Variants in DOCK11 observed in about 807,000 individuals in gnomAD.
DOCK11 encodes the protein dedicator of cytokinesis protein 11.
A neutral mutation model predicts 169.1 loss-of-function variants in DOCK11; 70 were observed. The observed-to-expected ratio is 0.41, with a 90% CI of 0.34 to 0.51. The LOEUF (loss-of-function observed/expected upper bound fraction) is 0.51, where lower values mean the gene tolerates loss of function less well. Ranked by LOEUF, DOCK11 falls within the 20% of genes least tolerant of loss-of-function variation. DOCK11 has a pLI of 0.10. For missense variants in DOCK11, 1,166 were observed against 1,538.8 expected (o/e 0.76, Z 4.05); for synonymous variants, 529 against 541.3 (o/e 0.98, Z 0.32).
chrX:118,558,431 A>T (rs2147370389), intron 6 of DOCK11, among the ~76,000 whole-genome samples: 1 of 112,071 alleles, frequency 8.9e-6, no homozygotes, highest in Admixed American at 9.5e-5. Context: ...AATTACCATT[A>T]TTCTGTATAG....
chrX:118,679,918 A>ATTTTTT lies in DOCK11; in HGVS notation c.5461-544_5461-539dup, dbSNP rs55756738. Among the ~76,000 whole-genome samples the ATTTTTT allele has an allele frequency of 1.5e-3, 82 of 55,428 alleles. 3 individuals are homozygous for ATTTTTT. The highest frequency in any genetic ancestry group is 7.0e-3 in the African/African-American group (81 of 11,615). 48.1% of individuals were successfully genotyped at this position (55,428 alleles called of 115,157 possible). A position where few individuals can be genotyped will look rare whatever the true frequency, so the allele number is the denominator to read the frequency against. ...ATTGCTGGGTAGTAGGATTACAGTA[A>ATTTTTT]TTTTTTTTTTTTTTTTTTTTTTTTT... On this transcript the variant is annotated intron_variant, in intron 48 of 52. Coordinates refer to ENST00000276202, the MANE Select transcript of DOCK11 (RefSeq NM_144658.4).
chrX:118,534,589 A>G (rs938142450), intron 1 of DOCK11, among the ~76,000 whole-genome samples: 2 of 112,369 alleles, frequency 1.8e-5, no homozygotes, highest in African/African-American at 6.5e-5. Context: ...TCGAAATCAT[A>G]TTGTGCTGAT....
chrX:118,668,237 G>T (rs2016383857), intron 45 of DOCK11, among the ~76,000 whole-genome samples: 2 of 111,780 alleles, frequency 1.8e-5, no homozygotes, highest in African/African-American at 6.5e-5. Flanking sequence ...TTTAGTAAAT[G>T]CCCCTTATCA....
intron 22 of DOCK11, 142 bp downstream of exon 22, chrX:118,598,258 T>A: frequency 2.5e-6 from 1 of 403,482 alleles, no homozygotes; most frequent in East Asian, 4.1e-5. Context: ...CCAGGTGCAG[T>A]GGCTCATGCC....
chrX:118,632,178 C>T (rs1468598039), intron 35 of DOCK11, among the ~76,000 whole-genome samples: 4 of 111,582 alleles, frequency 3.6e-5, no homozygotes, highest in African/African-American at 1.3e-4. Context: ...TGGTCTCGAT[C>T]TCCTGACCTC....
intron 22 of DOCK11, 68 bp from the exon 23 acceptor site, chrX:118,599,071 G>A (rs1225746675): frequency 2.4e-6 from 2 of 850,778 alleles, no homozygotes; most frequent in Non-Finnish European, 3.5e-6. Flanking sequence ...GGAGGAGGGA[G>A]AGGTAGAGAG....
At chrX:118,518,705 A>C (rs975246987) in intron 1 of DOCK11, among the ~76,000 whole-genome samples, 2 of 112,179 alleles carry the variant, frequency 1.8e-5, no homozygotes, top group Admixed American at 1.9e-4. Context: ...ATGCCATTAT[A>C]TATTTGTCAA....
intron 7 of DOCK11, 89 bp from the exon 8 acceptor site, chrX:118,565,916 A>G (rs1468711893): frequency 2.1e-6 from 2 of 940,464 alleles, no homozygotes; most frequent in African/African-American, 4.0e-5. Flanking sequence ...ATATGCACTA[A>G]GCTGAGATAA....
At chrX:118,675,209 T>A (rs979811616) in intron 46 of DOCK11, among the ~76,000 whole-genome samples, 4 of 112,159 alleles carry the variant, frequency 3.6e-5, no homozygotes, top group African/African-American at 1.3e-4. Flanking sequence ...GAAATATCTG[T>A]GAACTTGCAT....
chrX:118,663,829 T>C (rs1408313763), intron 45 of DOCK11, among the ~76,000 whole-genome samples: 1 of 108,825 alleles, frequency 9.2e-6, no homozygotes, highest in African/African-American at 3.4e-5. Context: ...CGTGCACCAC[T>C]ATGCCCAGCT....
In DOCK11 at chrX:118,616,453, A is replaced by C. The variant is rs775967567; in HGVS notation, c.3292+742A>C. On this transcript the variant is annotated intron_variant, in intron 30 of 52. Transcript: ENST00000276202. ...TGTTGCTAGAGAAATCAACTTTAAA[A>C]CATTTTCCCTCAAAACACAAGTTCC... is the stretch of plus-strand genomic sequence containing the variant. Among the ~76,000 whole-genome samples, 4 of 111,620 alleles carry C rather than the reference A, an allele frequency of 3.6e-5. No homozygotes were observed. The East Asian group carries it at 1.1e-3, about 31-fold the overall frequency.
chrX:118,685,036 T>G (rs552169910), intron 52 of DOCK11, among the ~76,000 whole-genome samples: 1 of 111,934 alleles, frequency 8.9e-6, no homozygotes, highest in East Asian at 2.8e-4. Flanking sequence ...ACAAGATTTC[T>G]GTTGCTTTTT....
rs1252771106 is a variant in DOCK11, at chrX:118,495,920, A to G, written c.-52A>G. On this transcript the variant is annotated 5_prime_UTR_variant, in exon 1 of 53. Transcript: ENST00000276202. ...CGCCGCGGGCCGGGGCAGTGAGTCC[A>G]CCCGCCCGCCGAGGTCCGCCCGCCC... 4.5e-6 allele frequency: 4 copies of G among 882,791 alleles called. No individual in the cohort carries two copies. The Admixed American group carries it at 1.8e-4, about 40-fold the overall frequency. 72.8% of individuals were successfully genotyped at this position (882,791 alleles called of 1,213,427 possible). A position where few individuals can be genotyped will look rare whatever the true frequency, so the allele number is the denominator to read the frequency against.
At chrX:118,639,410 T>C (rs1368517709) in intron 37 of DOCK11, 25 bp from the exon 38 acceptor site, 1 of 1,202,672 alleles carries the variant, frequency 8.3e-7, no homozygotes, top group Non-Finnish European at 1.1e-6. Flanking sequence ...AGCACTCCAG[T>C]TCCTGACTTT....
chrX:118,623,788 G>GA (rs2015031117), intron 31 of DOCK11, among the ~76,000 whole-genome samples: 1 of 112,840 alleles, frequency 8.9e-6, no homozygotes, highest in East Asian at 2.8e-4. Context: ...TAATTCTCCA[G>GA]AAAAACCTCC....
At chrX:118,509,746 A>G (rs7050057) in intron 1 of DOCK11, among the ~76,000 whole-genome samples, 13,925 of 111,949 alleles carry the variant, frequency 0.12, 653 homozygotes, top group Middle Eastern at 0.19. Context: ...TCTAGAGATC[A>G]GAAGGCCAAA....
intron 7 of DOCK11, among the ~76,000 whole-genome samples, chrX:118,561,895 G>A (rs1456783131): frequency 9.0e-6 from 1 of 110,555 alleles, no homozygotes; most frequent in Non-Finnish European, 1.9e-5. Context: ...GACTGGTGCG[G>A]TGGCTCATGT....
chrX:118,527,734 G>A (rs897849243), intron 1 of DOCK11, among the ~76,000 whole-genome samples: 2 of 111,775 alleles, frequency 1.8e-5, no homozygotes, highest in African/African-American at 3.3e-5. Context: ...ATGATGACAA[G>A]GCAACCTGTT....
intron 28 of DOCK11, among the ~76,000 whole-genome samples, chrX:118,612,375 G>A (rs987181825): frequency 1.8e-5 from 2 of 111,722 alleles, no homozygotes; most frequent in African/African-American, 3.3e-5. Context: ...AATAAACTAC[G>A]AATTAGATTA....
Sources: gnomAD v4.1 joint callset for allele counts (sites outside exome capture counted in the v4.1 genomes callset) on GRCh38, gnomAD v4.1.1 for gene constraint, MANE v1.5 for transcripts, NCBI Gene and HGNC (gene_info 2026-07-23, HGNC 2026-07-21) for gene names.